ANKS1B: variants seen among roughly 807,000 people sequenced by gnomAD.
The protein encoded by ANKS1B is ankyrin repeat and sterile alpha motif domain containing 1B.
Under a neutral mutation model 148.3 loss-of-function variants are expected in ANKS1B, and 36 were observed. The observed-to-expected ratio is 0.24, with a 90% CI of 0.19 to 0.32. The LOEUF is 0.32. Among genes scored for constraint, ANKS1B ranks in the 10% least tolerant of loss-of-function variants. The probability of loss-of-function intolerance (pLI) is 1.00; values close to 1 mark genes in which losing one functional copy is unlikely to be tolerated. For missense variants in ANKS1B, 1,157 were observed against 1,542.6 expected (o/e 0.75, Z 4.19); for synonymous variants, 542 against 560.8 (o/e 0.97, Z 0.47).
chr12:98,851,377 T>C (rs2099524648), intron 17 of ANKS1B, among the ~76,000 whole-genome samples: 1 of 152,092 alleles, frequency 6.6e-6, no homozygotes, highest in Admixed American at 6.5e-5. Context: ...GCTTCAGGGC[T>C]GAGAAGGAGA....
intron 12 of ANKS1B, among the ~76,000 whole-genome samples, chr12:99,369,768 A>AGATT (rs2092992946): frequency 7.0e-6 from 1 of 142,216 alleles, no homozygotes; most frequent in Non-Finnish European, 1.5e-5. Flanking sequence ...ATAGATAGAT[A>AGATT]GATAGATAGA....
intron 1 of ANKS1B, among the ~76,000 whole-genome samples, chr12:99,834,025 C>T (rs1171431947): frequency 6.6e-6 from 1 of 152,098 alleles, no homozygotes; most frequent in African/African-American, 2.4e-5. Context: ...ATCCATAGAA[C>T]ATCCACCGAC....
chr12:99,027,720 G>A (rs886174356), intron 17 of ANKS1B, among the ~76,000 whole-genome samples: 1 of 152,232 alleles, frequency 6.6e-6, no homozygotes, highest in African/African-American at 2.4e-5. Context: ...AGACAGGCTT[G>A]TGCCTGCATG....
intron 15 of ANKS1B, among the ~76,000 whole-genome samples, chr12:99,092,180 A>G (rs1302941094): frequency 6.6e-6 from 1 of 152,188 alleles, no homozygotes; most frequent in Non-Finnish European, 1.5e-5. Flanking sequence ...AACTACCCAC[A>G]AAGCTTCAAC....
intron 1 of ANKS1B, among the ~76,000 whole-genome samples, chr12:99,981,030 T>C (rs894570673): frequency 6.6e-6 from 1 of 152,046 alleles, no homozygotes; most frequent in Non-Finnish European, 1.5e-5. Context: ...TATTTGACGA[T>C]TCTATGATTG....
At chr12:99,532,657 G>C (rs1186057466) in intron 9 of ANKS1B, among the ~76,000 whole-genome samples, 1 of 152,048 alleles carries the variant, frequency 6.6e-6, no homozygotes, top group African/African-American at 2.4e-5. Context: ...ACCACGCCTG[G>C]TCACATTTAA....
chr12:99,689,600 T>C (rs1160540201), intron 8 of ANKS1B, among the ~76,000 whole-genome samples: 2 of 152,208 alleles, frequency 1.3e-5, no homozygotes, highest in African/African-American at 4.8e-5. Flanking sequence ...GAGAGTATCC[T>C]GGCTGAGCCA....
intron 1 of ANKS1B, among the ~76,000 whole-genome samples, chr12:99,854,039 C>T (rs1410965919): frequency 2.0e-5 from 3 of 152,186 alleles, no homozygotes; most frequent in African/African-American, 7.2e-5. Flanking sequence ...GAGACGGAGT[C>T]TCGCTCTGTC....
At chr12:99,452,390 G>A (rs2095757509) in intron 10 of ANKS1B, among the ~76,000 whole-genome samples, 1 of 152,082 alleles carries the variant, frequency 6.6e-6, no homozygotes, top group Non-Finnish European at 1.5e-5. Flanking sequence ...TTCTCACTGT[G>A]TAATTAAAAA....
intron 9 of ANKS1B, among the ~76,000 whole-genome samples, chr12:99,646,775 T>C (rs1336724265): frequency 2.0e-5 from 3 of 151,756 alleles, no homozygotes; most frequent in African/African-American, 7.3e-5. Flanking sequence ...ATTATAATCT[T>C]ATTGAATTGA....
rs532519350 is a variant in ANKS1B at position 98,744,808 on chromosome 12, T to A, written c.*931A>T. The A allele has an allele frequency of 1.1e-4, 106 of 984,706 alleles. No homozygotes were observed. Among genetic ancestry groups the A allele is most frequent in the Non-Finnish European group, 1.2e-4 (97 of 829,360 alleles). The allele number at this position is 984,706 out of a possible 1,614,324, so 61.0% of individuals were successfully genotyped here. A position where few individuals can be genotyped will look rare whatever the true frequency, so the allele number is the denominator to read the frequency against. On this transcript the variant is annotated 3_prime_UTR_variant, in exon 27 of 27. Coordinates refer to ENST00000683438, the MANE Select transcript of ANKS1B (RefSeq NM_001352186.2). ...CAGGAGCACTAGATTTTTTTTTTTT[T>A]AACATGTTCTTTAAAACACTGTGAA...
chr12:98,929,965 G>C (rs574256864), intron 17 of ANKS1B, among the ~76,000 whole-genome samples: 1 of 151,996 alleles, frequency 6.6e-6, no homozygotes, highest in African/African-American at 2.4e-5. Context: ...AACTTTTTGT[G>C]ATTCAAATGA....
At chr12:99,592,854 A>C (rs1211468650) in intron 9 of ANKS1B, among the ~76,000 whole-genome samples, 1 of 152,122 alleles carries the variant, frequency 6.6e-6, no homozygotes, top group Non-Finnish European at 1.5e-5. Flanking sequence ...TACCTGAAAG[A>C]TATACATTGG....
In ANKS1B at chr12:98,945,073, A is replaced by C. The variant is rs960642318; in HGVS notation, c.2778+108084T>G. On this transcript the variant is annotated intron_variant, in intron 17 of 26. Coordinates refer to ENST00000683438, the MANE Select transcript of ANKS1B (RefSeq NM_001352186.2). ...AGGATTGATCAGTGACTGGAGATCC[A>C]CAGGGGTGATAAGCTTTTCTGTATA... is the stretch of plus-strand genomic sequence containing the variant. Among the ~76,000 whole-genome samples the C allele has an allele frequency of 2.0e-5, 3 of 152,250 alleles. No individual in the cohort carries two copies. In the South Asian group the frequency reaches 6.2e-4, roughly 32 times the overall value.
At chr12:99,660,886 C>G (rs1221732194) in intron 8 of ANKS1B, among the ~76,000 whole-genome samples, 2 of 152,144 alleles carry the variant, frequency 1.3e-5, no homozygotes, top group Non-Finnish European at 1.5e-5. Context: ...CAGGCCAGGT[C>G]TCACTAACAG....
At chr12:99,199,233 G>A (rs1302651402) in intron 14 of ANKS1B, among the ~76,000 whole-genome samples, 1 of 152,124 alleles carries the variant, frequency 6.6e-6, no homozygotes, top group Non-Finnish European at 1.5e-5. Flanking sequence ...ATAAATAAAA[G>A]TCTATTACTG....
intron 19 of ANKS1B, among the ~76,000 whole-genome samples, chr12:98,816,873 C>T (rs888991028): frequency 1.2e-4 from 19 of 152,024 alleles, no homozygotes; most frequent in African/African-American, 4.1e-4. Context: ...CCCTATTAAG[C>T]TCTGGAAAGC....
chr12:98,773,265 G>T (rs377019340), intron 24 of ANKS1B, 86 bp from the exon 25 acceptor site: 1 of 1,464,462 alleles, frequency 6.8e-7, no homozygotes, highest in Non-Finnish European at 9.1e-7. Flanking sequence ...GGAAGCAGTT[G>T]CTTTCCTTCT....
chr12:99,824,013 A>G (rs2082845095), intron 2 of ANKS1B, among the ~76,000 whole-genome samples: 1 of 152,154 alleles, frequency 6.6e-6, no homozygotes, highest in Non-Finnish European at 1.5e-5. Flanking sequence ...ATAGTTTGAA[A>G]TCTGCTATCA....
Sources: allele counts gnomAD v4.1 joint callset (sites outside exome capture counted in the v4.1 genomes callset), GRCh38; gene constraint gnomAD v4.1.1; transcripts MANE v1.5; gene names NCBI Gene and HGNC (gene_info 2026-07-23, HGNC 2026-07-21).